Variants in PTPN13 observed in about 807,000 individuals in gnomAD.
The protein encoded by PTPN13 is tyrosine-protein phosphatase non-receptor type 13.
In PTPN13, 191 loss-of-function variants were observed where a neutral mutation model predicts 284.0. That is an observed-to-expected ratio of 0.67 (90% confidence interval 0.60 to 0.76). The LOEUF (loss-of-function observed/expected upper bound fraction) is 0.76. Ranked by LOEUF, PTPN13 falls within the 30% of genes least tolerant of loss-of-function variation. The pLI is 0.00. For missense variants in PTPN13, 2,797 were observed against 2,939.9 expected (o/e 0.95, Z 1.12); for synonymous variants, 986 against 1,022.3 (o/e 0.96, Z 0.68).
intron 15 of PTPN13, among the ~76,000 whole-genome samples, chr4:86,738,639 A>C (rs538713702): frequency 6.6e-6 from 1 of 152,182 alleles, no homozygotes; most frequent in Non-Finnish European, 1.5e-5. Context: ...TGGGTTTTAC[A>C]TATATTTATT....
chr4:86,783,440 G>A (rs983102071), intron 37 of PTPN13, among the ~76,000 whole-genome samples: 1 of 152,098 alleles, frequency 6.6e-6, no homozygotes, highest in East Asian at 1.9e-4. Context: ...TTGAAAGAAA[G>A]AAGAGTTGAG....
chr4:86,715,007 A>G (rs17454154), intron 7 of PTPN13, among the ~76,000 whole-genome samples: 22,507 of 151,934 alleles, frequency 0.15, 2,088 homozygotes, highest in East Asian at 0.29. Flanking sequence ...AAGGTTAAGG[A>G]AAAAAAAGAT....
At chr4:86,776,253 T>C (rs1271949665) in intron 35 of PTPN13, among the ~76,000 whole-genome samples, 1 of 152,208 alleles carries the variant, frequency 6.6e-6, no homozygotes, top group Non-Finnish European at 1.5e-5. Flanking sequence ...GCCCGAAATT[T>C]ATTGGTTTAT....
chr4:86,633,607 T>C (rs1722702056), intron 1 of PTPN13, among the ~76,000 whole-genome samples: 1 of 152,242 alleles, frequency 6.6e-6, no homozygotes, highest in Admixed American at 6.5e-5. Flanking sequence ...CCTGAGTATA[T>C]GCGTTAGAGC....
In PTPN13 at chr4:86,814,731, T is replaced by C; in HGVS notation, c.*180T>C. 1.9e-6 allele frequency: 1 copy of C among 530,642 alleles called. No homozygotes were observed. The highest frequency in any genetic ancestry group is 3.1e-5 in the South Asian group (1 of 32,014). 32.9% of individuals were successfully genotyped at this position (530,642 alleles called of 1,614,324 possible). The stretch of plus-strand genomic sequence containing the variant: ...TATTGAAATGCTGTATTTTTACAGC[T>C]ACTTTAACCTATGATAATTATTTAC... On this transcript the variant is annotated 3_prime_UTR_variant, in exon 48 of 48. Transcript: ENST00000411767.
At chr4:86,659,906 A>G (rs1019551109) in intron 2 of PTPN13, among the ~76,000 whole-genome samples, 1 of 152,160 alleles carries the variant, frequency 6.6e-6, no homozygotes, top group Non-Finnish European at 1.5e-5. Flanking sequence ...TGGAATGTAC[A>G]GATAGAATTT....
At chr4:86,770,414 G>A (rs1475627080) in intron 30 of PTPN13, among the ~76,000 whole-genome samples, 1 of 151,906 alleles carries the variant, frequency 6.6e-6, no homozygotes, top group African/African-American at 2.4e-5. Flanking sequence ...TATTTAACTA[G>A]GATTTATCAA....
chr4:86,733,941 A>G (rs1038132016), intron 12 of PTPN13, among the ~76,000 whole-genome samples: 3 of 152,300 alleles, frequency 2.0e-5, no homozygotes, highest in African/African-American at 4.8e-5. Flanking sequence ...TCATTATGTC[A>G]TTTGATCCTT....
intron 43 of PTPN13, 118 bp downstream of exon 43, chr4:86,803,975 C>T: frequency 9.2e-7 from 1 of 1,082,628 alleles, no homozygotes; most frequent in Non-Finnish European, 1.3e-6. Flanking sequence ...ACTCTAAAAG[C>T]ACCACCTTAT....
chr4:86,701,024 C>A (rs1476898553), intron 6 of PTPN13, among the ~76,000 whole-genome samples: 3 of 152,164 alleles, frequency 2.0e-5, no homozygotes, highest in East Asian at 1.9e-4. Flanking sequence ...CAGTATATTG[C>A]TTTTATTAGA....
intron 1 of PTPN13, among the ~76,000 whole-genome samples, chr4:86,618,847 T>C (rs2148655512): frequency 6.6e-6 from 1 of 152,332 alleles, no homozygotes; most frequent in East Asian, 1.9e-4. Context: ...TGGGGTTTTC[T>C]AGGTATACAA....
intron 40 of PTPN13, among the ~76,000 whole-genome samples, chr4:86,787,890 A>G (rs1223970468): frequency 6.6e-6 from 1 of 152,160 alleles, no homozygotes; most frequent in Non-Finnish European, 1.5e-5. Context: ...CTGTTAATGA[A>G]TTTTAGATTT....
intron 1 of PTPN13, among the ~76,000 whole-genome samples, chr4:86,604,010 C>A (rs1764538945): frequency 6.6e-6 from 1 of 151,768 alleles, no homozygotes; most frequent in South Asian, 2.1e-4. Context: ...TATTGTTAAC[C>A]TTTTAACAAG....
intron 2 of PTPN13, among the ~76,000 whole-genome samples, chr4:86,653,232 T>C (rs767463893): frequency 3.3e-5 from 5 of 152,186 alleles, no homozygotes; most frequent in Non-Finnish European, 5.9e-5. Context: ...CACTCCAAGA[T>C]TGGTCACTAG....
chr4:86,643,771 G>T lies in PTPN13; in HGVS notation c.115+8400G>T, dbSNP rs1724091900. On this transcript the variant is annotated intron_variant, in intron 2 of 47. Coordinates refer to ENST00000411767, the MANE Select transcript of PTPN13 (RefSeq NM_080683.3). ...ATTTTAGAGATAAGGAAACAGCCCA[G>T]TTTAAATGACTTATAGGAGTTAGTA... 2.6e-5 allele frequency among the ~76,000 whole-genome samples: 4 copies of T among 152,174 alleles called. 1 individual carries two copies. In the South Asian group the frequency reaches 8.3e-4, roughly 31 times the overall value.
At chr4:86,740,409 C>T (rs1449954331) in intron 15 of PTPN13, among the ~76,000 whole-genome samples, 1 of 152,188 alleles carries the variant, frequency 6.6e-6, no homozygotes, top group Non-Finnish European at 1.5e-5. Flanking sequence ...GGGCTTCCAG[C>T]CTCTGAAACA....
rs559412316 is a variant in PTPN13 at position 86,712,478 on chromosome 4, C to T, written c.1196-4052C>T. ...GTAATTTTATAACAACACCTGAAAA[C>T]GTTAAATTTATTATTCATAAATTTT... On this transcript the variant is annotated intron_variant, in intron 7 of 47. Transcript: ENST00000411767. Among the ~76,000 whole-genome samples the T allele has an allele frequency of 5.9e-5, 9 of 152,002 alleles. No individual in the cohort carries two copies. In the East Asian group the frequency reaches 7.7e-4, roughly 13 times the overall value.
intron 1 of PTPN13, among the ~76,000 whole-genome samples, chr4:86,619,344 C>T (rs1320437553): frequency 6.6e-6 from 1 of 152,164 alleles, no homozygotes; most frequent in Non-Finnish European, 1.5e-5. Context: ...ACAACAATTT[C>T]AACTTAATAT....
intron 40 of PTPN13, among the ~76,000 whole-genome samples, chr4:86,788,182 A>G (rs1742207270): frequency 6.6e-6 from 1 of 152,338 alleles, no homozygotes; most frequent in African/African-American, 2.4e-5. Flanking sequence ...TTAAATCACT[A>G]TGGCAATTAT....
Sources: gnomAD v4.1 joint callset for allele counts (sites outside exome capture counted in the v4.1 genomes callset) on GRCh38, gnomAD v4.1.1 for gene constraint, MANE v1.5 for transcripts, NCBI Gene and HGNC (gene_info 2026-07-23, HGNC 2026-07-21) for gene names.